Variants in ZNF704 observed in about 807,000 individuals in gnomAD.
The protein encoded by ZNF704 is glucocorticoid induced gene 1.
A neutral mutation model predicts 44.7 loss-of-function variants in ZNF704; 10 were observed. The ratio of observed to expected loss-of-function variants is 0.22; its 90% CI spans 0.14 to 0.38. The LOEUF is 0.38. Among genes scored for constraint, ZNF704 ranks in the 10% least tolerant of loss-of-function variants. The probability of loss-of-function intolerance (pLI) is 1.00; values close to 1 mark genes in which losing one functional copy is unlikely to be tolerated. For synonymous variants in ZNF704, 211 were observed against 207.6 expected (o/e 1.02, Z -0.14); for missense variants, 390 against 545.5 (o/e 0.71, Z 2.84).
intron 2 of ZNF704, among the ~76,000 whole-genome samples, chr8:80,785,123 T>C (rs1807593510): frequency 6.6e-6 from 1 of 152,200 alleles, no homozygotes; most frequent in African/African-American, 2.4e-5. Context: ...TTATGCCCCC[T>C]CAGGCTCTTG....
chr8:80,755,169 TAAAA>T (rs1586004193), intron 2 of ZNF704, among the ~76,000 whole-genome samples: 1 of 151,782 alleles, frequency 6.6e-6, no homozygotes, highest in Non-Finnish European at 1.5e-5. Flanking sequence ...ATAAAACACT[TAAAA>T]AGAAAAAACA....
intron 4 of ZNF704, among the ~76,000 whole-genome samples, chr8:80,679,291 C>T (rs1292434012): frequency 2.6e-5 from 4 of 152,098 alleles, no homozygotes; most frequent in Admixed American, 6.5e-5. Context: ...TTTCAAAGTC[C>T]CCTAACTATA....
intron 1 of ZNF704, 110 bp from the exon 2 acceptor site, chr8:80,821,725 A>G: frequency 2.6e-6 from 2 of 775,404 alleles, no homozygotes; most frequent in South Asian, 3.2e-5. Flanking sequence ...TGTTCATCTG[A>G]AAGATTGTAT....
Position 80,631,168 on chromosome 8 carries a change from T to C in ZNF704, c.*10198A>G, listed in dbSNP as rs1017715195. On this transcript the variant is annotated 3_prime_UTR_variant, in exon 9 of 9. Transcript: ENST00000327835. ...AAAGGTTTAAAAAGTAAAACAAGGG[T>C]TTGTAATCTGCAAAGTTATGTATTG... is the stretch of plus-strand genomic sequence containing the variant. The C allele has an allele frequency of 6.6e-6, 1 of 152,084 alleles. No homozygotes were observed. Among genetic ancestry groups the C allele is most frequent in the African/African-American group, 2.4e-5 (1 of 41,388 alleles). The allele number at this position is 152,084 out of a possible 1,614,324, so 9.4% of individuals were successfully genotyped here. A position where few individuals can be genotyped will look rare whatever the true frequency, so the allele number is the denominator to read the frequency against.
At chr8:80,830,753 CTT>C (rs772059759) in intron 1 of ZNF704, among the ~76,000 whole-genome samples, 5 of 89,116 alleles carry the variant, frequency 5.6e-5, no homozygotes, top group East Asian at 5.9e-4. Context: ...GTGTTTCTTT[CTT>C]TTTTTTTTTT....
chr8:80,763,563 C>G (rs887568949), intron 2 of ZNF704, among the ~76,000 whole-genome samples: 1 of 152,170 alleles, frequency 6.6e-6, no homozygotes, highest in African/African-American at 2.4e-5. Flanking sequence ...CTGGACCTGG[C>G]TCAGAAAACC....
At chr8:80,854,281 T>C (rs1194161327) in intron 1 of ZNF704, among the ~76,000 whole-genome samples, 1 of 152,176 alleles carries the variant, frequency 6.6e-6, no homozygotes, top group African/African-American at 2.4e-5. Context: ...AAAGCTTCTC[T>C]CTCTAGTGAT....
chr8:80,651,099 T>C (rs1817910791), intron 7 of ZNF704, among the ~76,000 whole-genome samples: 1 of 152,190 alleles, frequency 6.6e-6, no homozygotes. Flanking sequence ...TAAAATACTT[T>C]ACAGACAAGC....
intron 6 of ZNF704, among the ~76,000 whole-genome samples, chr8:80,664,058 G>A (rs983964664): frequency 1.3e-5 from 2 of 151,116 alleles, no homozygotes; most frequent in East Asian, 2.0e-4. Flanking sequence ...AGATACTTAT[G>A]TAATGTGCCA....
intron 2 of ZNF704, among the ~76,000 whole-genome samples, chr8:80,817,963 A>G (rs1264687009): frequency 6.6e-6 from 1 of 152,152 alleles, no homozygotes; most frequent in Non-Finnish European, 1.5e-5. Context: ...CACCTCACTC[A>G]TCATTTTTAC....
At chr8:80,813,130 C>G (rs1808117591) in intron 2 of ZNF704, among the ~76,000 whole-genome samples, 2 of 152,164 alleles carry the variant, frequency 1.3e-5, no homozygotes, top group Admixed American at 1.3e-4. Context: ...AATGGTCCAC[C>G]TTGTACGACA....
chr8:80,684,333 T>G (rs118153250), intron 4 of ZNF704, among the ~76,000 whole-genome samples: 3 of 152,202 alleles, frequency 2.0e-5, no homozygotes, highest in Non-Finnish European at 2.9e-5. Flanking sequence ...TGAAACAAAA[T>G]TGTCAAGAAA....
At chr8:80,870,623 C>T (rs1486318602) in intron 1 of ZNF704, among the ~76,000 whole-genome samples, 1 of 152,196 alleles carries the variant, frequency 6.6e-6, no homozygotes, top group Non-Finnish European at 1.5e-5. Context: ...AGTTTTCCTT[C>T]TACTTATTTG....
At chr8:80,671,071 G>A (rs952625671) in intron 4 of ZNF704, among the ~76,000 whole-genome samples, 3 of 152,202 alleles carry the variant, frequency 2.0e-5, no homozygotes, top group Non-Finnish European at 4.4e-5. Flanking sequence ...TCTGGCTCCA[G>A]AAACCATCCC....
In ZNF704 at chr8:80,630,679, C is replaced by T. The variant is rs1260015254; in HGVS notation, c.*10687G>A. ...AGTTGCATCTGATGATAGTCATGAA[C>T]CCTTTGGGACCTAGCGATTTTTTCT... On this transcript the variant is annotated 3_prime_UTR_variant, in exon 9 of 9. Coordinates refer to ENST00000327835, the MANE Select transcript of ZNF704 (RefSeq NM_001033723.3). The T allele has an allele frequency of 6.6e-6, 1 of 152,074 alleles. No homozygotes were observed. The highest frequency in any genetic ancestry group is 2.4e-5 in the African/African-American group (1 of 41,408). 9.4% of individuals were successfully genotyped at this position (152,074 alleles called of 1,614,324 possible). A position where few individuals can be genotyped will look rare whatever the true frequency, so the allele number is the denominator to read the frequency against.
chr8:80,867,467 T>C (rs1411662758), intron 1 of ZNF704, among the ~76,000 whole-genome samples: 1 of 151,966 alleles, frequency 6.6e-6, no homozygotes, highest in Non-Finnish European at 1.5e-5. Context: ...GCACAAATCA[T>C]GGCAGCAGCA....
At position 80,641,337 on chromosome 8, in the gene ZNF704, G is replaced by T; in HGVS notation, c.*29C>A. On this transcript the variant is annotated 3_prime_UTR_variant, in exon 9 of 9. Coordinates refer to ENST00000327835, the MANE Select transcript of ZNF704 (RefSeq NM_001033723.3). ...GCAGGCCAGGGCAGGAGCGGCTCAGGGCCCTGAGCCCCTCTGCCTGGGGGT... is the reference window on the plus strand; with the variant it reads ...GCAGGCCAGGGCAGGAGCGGCTCAGTGCCCTGAGCCCCTCTGCCTGGGGGT... The T allele has an allele frequency of 6.7e-7, 1 of 1,500,024 alleles. No homozygotes were observed. The highest frequency in any genetic ancestry group is 9.1e-7 in the Non-Finnish European group (1 of 1,102,340). 92.9% of individuals were successfully genotyped at this position (1,500,024 alleles called of 1,614,324 possible).
Position 80,636,148 on chromosome 8 carries a change from A to C in ZNF704, c.*5218T>G, listed in dbSNP as rs753389870. The C allele has an allele frequency of 1.3e-5, 2 of 152,182 alleles. No individual in the cohort carries two copies. Among genetic ancestry groups the C allele is most frequent in the Non-Finnish European group, 2.9e-5 (2 of 68,024 alleles). 9.4% of individuals were successfully genotyped at this position (152,182 alleles called of 1,614,324 possible). On this transcript the variant is annotated 3_prime_UTR_variant, in exon 9 of 9. Transcript: ENST00000327835. ...ATGTCTCTTAGAACTGTAGAAGCCTAATCAGTGTATTTCTTGTTTTATTTG... is the reference window on the plus strand; with the variant it reads ...ATGTCTCTTAGAACTGTAGAAGCCTCATCAGTGTATTTCTTGTTTTATTTG...
In ZNF704 at chr8:80,840,210, G is replaced by A. The variant is rs567784584; in HGVS notation, c.-21-18595C>T. 2.6e-5 allele frequency among the ~76,000 whole-genome samples: 4 copies of A among 152,358 alleles called. No homozygotes were observed. The South Asian group carries it at 8.3e-4, about 32-fold the overall frequency. ...CCATACTCACAATACTCTAAAGCAA[G>A]CTTGTCCAACCCATGGCCTGCGGGC... On this transcript the variant is annotated intron_variant, in intron 1 of 8. Coordinates refer to ENST00000327835, the MANE Select transcript of ZNF704 (RefSeq NM_001033723.3).
Sources: gnomAD v4.1 joint callset for allele counts (sites outside exome capture counted in the v4.1 genomes callset) on GRCh38, gnomAD v4.1.1 for gene constraint, MANE v1.5 for transcripts, NCBI Gene and HGNC (gene_info 2026-07-23, HGNC 2026-07-21) for gene names.